GYPE: variants seen among roughly 807,000 people sequenced by gnomAD.
GYPE encodes the protein glycophorin-E.
In GYPE, 8 loss-of-function variants were observed where a neutral mutation model predicts 11.6. That is an observed-to-expected ratio of 0.69 (90% CI 0.41 to 1.25). GYPE has a LOEUF of 1.25. Among genes scored for constraint, GYPE ranks in the 50% most tolerant of loss-of-function variants. The probability of loss-of-function intolerance (pLI) is 0.01; values close to 1 mark genes in which losing one functional copy is unlikely to be tolerated. For missense variants in GYPE, 90 were observed against 92.8 expected, an observed-to-expected ratio of 0.97 and a Z score of 0.12; for synonymous variants, 28 against 29.6, an observed-to-expected ratio of 0.94 and a Z score of 0.18.
At chr4:143,901,932 C>G (rs909314122) in intron 1 of GYPE, among the ~76,000 whole-genome samples, 1 of 151,934 alleles carries the variant, frequency 6.6e-6, no homozygotes, top group African/African-American at 2.4e-5. Flanking sequence ...CTCTAAAAAC[C>G]CTATTTCACA....
chr4:143,875,694 G>A (rs1371839498), intron 3 of GYPE, among the ~76,000 whole-genome samples: 1 of 152,108 alleles, frequency 6.6e-6, no homozygotes, highest in South Asian at 2.1e-4. Flanking sequence ...TTGGGGCCAG[G>A]CGCAGTGGCT....
rs963857717 is a variant in GYPE at position 143,870,972 on chromosome 4, A to G, written c.*1290T>C. ...AAGGGGAAACAAACACATCTTTCTT[A>G]CATAGTGGCAGGAAGGAGAAGAATG... On this transcript the variant is annotated 3_prime_UTR_variant, in exon 4 of 4. Coordinates refer to ENST00000358615, the MANE Select transcript of GYPE (RefSeq NM_198682.3). 6.6e-5 allele frequency: 10 copies of G among 151,986 alleles called. No individual in the cohort carries two copies. The highest frequency in any genetic ancestry group is 1.2e-4 in the African/African-American group (5 of 41,290). 9.4% of individuals were successfully genotyped at this position (151,986 alleles called of 1,614,324 possible). A position where few individuals can be genotyped will look rare whatever the true frequency, so the allele number is the denominator to read the frequency against.
At chr4:143,885,198 A>G (rs1250588835) in intron 1 of GYPE, among the ~76,000 whole-genome samples, 3 of 152,160 alleles carry the variant, frequency 2.0e-5, no homozygotes, top group African/African-American at 7.2e-5. Flanking sequence ...GAATATGGCA[A>G]AGAACCAATA....
intron 3 of GYPE, among the ~76,000 whole-genome samples, chr4:143,872,923 C>T (rs1346822309): frequency 6.6e-6 from 1 of 151,892 alleles, no homozygotes; most frequent in South Asian, 2.1e-4. Context: ...GTGGACAGGT[C>T]AGAACTTCAG....
At position 143,885,242 on chromosome 4, in the gene GYPE, A is replaced by C. The variant is rs2007927; in HGVS notation, c.38-4733T>G. Reference sequence around the variant, plus strand: ...TAACATCTCTTAAAATTGGCACTTTAATTATTTTAATTTTAAATGAAGTCA... The same window carrying C: ...TAACATCTCTTAAAATTGGCACTTTCATTATTTTAATTTTAAATGAAGTCA... On this transcript the variant is annotated intron_variant, in intron 1 of 3. Transcript: ENST00000358615. Among the ~76,000 whole-genome samples the C allele has an allele frequency of 1.1e-3, 171 of 152,244 alleles. 4 individuals carry two copies. The highest frequency in any genetic ancestry group is 9.2e-3 in the Admixed American group (141 of 15,286).
intron 1 of GYPE, among the ~76,000 whole-genome samples, chr4:143,887,710 GATT>G: frequency 6.6e-6 from 1 of 150,852 alleles, no homozygotes; most frequent in Non-Finnish European, 1.5e-5. Flanking sequence ...AAATCTCTCA[GATT>G]GATAAGAGTT....
chr4:143,878,530 A>G (rs1743896308), intron 2 of GYPE: 1 of 409,464 alleles, frequency 2.4e-6, no homozygotes, highest in African/African-American at 2.2e-5. Context: ...AAAGTTAACA[A>G]CATATGCTCT....
At chr4:143,885,568 G>A (rs538296323) in intron 1 of GYPE, among the ~76,000 whole-genome samples, 2 of 152,124 alleles carry the variant, frequency 1.3e-5, no homozygotes, top group Admixed American at 1.3e-4. Context: ...CCTAACACTG[G>A]CTTTAAAATT....
intron 1 of GYPE, among the ~76,000 whole-genome samples, chr4:143,892,333 A>G (rs932731528): frequency 8.0e-5 from 12 of 149,684 alleles, no homozygotes; most frequent in African/African-American, 3.0e-4. Flanking sequence ...GATTTTAGTT[A>G]TTTCTTGCCT....
At chr4:143,893,842 A>G (rs1328133070) in intron 1 of GYPE, among the ~76,000 whole-genome samples, 4 of 151,964 alleles carry the variant, frequency 2.6e-5, no homozygotes, top group Non-Finnish European at 5.9e-5. Flanking sequence ...TATTTCCTGA[A>G]TCTGAATGTT....
At chr4:143,900,776 A>G (rs911696099) in intron 1 of GYPE, among the ~76,000 whole-genome samples, 1 of 152,144 alleles carries the variant, frequency 6.6e-6, no homozygotes, top group Non-Finnish European at 1.5e-5. Context: ...AAATATCTAA[A>G]ATGGGTAAAT....
At chr4:143,903,717 G>A (rs918360804) in intron 1 of GYPE, among the ~76,000 whole-genome samples, 12 of 151,860 alleles carry the variant, frequency 7.9e-5, no homozygotes, top group Non-Finnish European at 1.3e-4. Flanking sequence ...GACCATTGTA[G>A]CTTTCAGGGT....
At chr4:143,883,405 C>T (rs867792907) in intron 1 of GYPE, among the ~76,000 whole-genome samples, 2 of 150,930 alleles carry the variant, frequency 1.3e-5, no homozygotes, top group African/African-American at 4.9e-5. Flanking sequence ...TTCTATATAG[C>T]AGTGTGAGAA....
intron 2 of GYPE, among the ~76,000 whole-genome samples, chr4:143,877,219 G>C (rs572984349): frequency 8.5e-4 from 130 of 152,266 alleles, no homozygotes; most frequent in African/African-American, 3.0e-3. Context: ...CCATAGTTTG[G>C]AAATTATGAG....
chr4:143,897,323 G>T (rs570720138), intron 1 of GYPE, among the ~76,000 whole-genome samples: 16 of 151,922 alleles, frequency 1.1e-4, no homozygotes, highest in African/African-American at 2.9e-4. Context: ...AAAAAAATTA[G>T]TCAGGTGTGG....
intron 1 of GYPE, among the ~76,000 whole-genome samples, chr4:143,889,862 A>G (rs920599337): frequency 1.6e-4 from 25 of 152,328 alleles, no homozygotes; most frequent in African/African-American, 5.8e-4. Flanking sequence ...AAAAAAAAAC[A>G]TCAGAAACAT....
chr4:143,872,954 G>A (rs1371497279), intron 3 of GYPE, among the ~76,000 whole-genome samples: 2 of 152,072 alleles, frequency 1.3e-5, no homozygotes, highest in Admixed American at 6.6e-5. Flanking sequence ...AACAAGTGGT[G>A]ATTTTATTCT....
chr4:143,894,699 C>A (rs1744558245), intron 1 of GYPE, among the ~76,000 whole-genome samples: 2 of 151,762 alleles, frequency 1.3e-5, no homozygotes, highest in African/African-American at 2.4e-5. Context: ...GAGACACAAC[C>A]AAAAAAGAGA....
chr4:143,897,722 C>T (rs112670297), intron 1 of GYPE, among the ~76,000 whole-genome samples: 11 of 151,806 alleles, frequency 7.2e-5, no homozygotes, highest in African/African-American at 1.2e-4. Context: ...AATGCACTCA[C>T]GGCCTGCACA....
Sources: allele counts gnomAD v4.1 joint callset (sites outside exome capture counted in the v4.1 genomes callset), GRCh38; gene constraint gnomAD v4.1.1; transcripts MANE v1.5; gene names NCBI Gene and HGNC (gene_info 2026-07-23, HGNC 2026-07-21).